The following F5 variants were observed in gnomAD, a reference collection of about 807,000 sequenced individuals.
The protein encoded by F5 is coagulation factor V, also known as activated protein c cofactor.
In F5, 138 loss-of-function variants were observed where a neutral mutation model predicts 216.4. That is an observed-to-expected ratio of 0.64 (90% CI 0.56 to 0.73). F5 has a LOEUF of 0.73. Among genes scored for constraint, F5 ranks in the 30% least tolerant of loss-of-function variants. The probability of loss-of-function intolerance (pLI) is 0.00; values close to 1 mark genes in which losing one functional copy is unlikely to be tolerated. For missense variants in F5, 2,403 were observed against 2,674.0 expected (o/e 0.90, Z 2.24); for synonymous variants, 916 against 930.7 (o/e 0.98, Z 0.29).
chr1:169,542,248 G>C lies in F5; in HGVS notation c.2842C>G (p.His948Asp), dbSNP rs1382627148. Residue 948 changes from histidine (H) to aspartate (D), a missense_variant, in exon 13 of 25, where the codon CAT becomes GAT. Transcript: ENST00000367797. Reference protein sequence around the residue: ...NSSKILVGRWHLASEKGSYEI... With the variant: ...NSSKILVGRWDLASEKGSYEI... ...TAGCTACCTTTCTCAGAAGCCAAAT[G>C]CCATCTCCCAACCAAAATCTTAGAT... is the stretch of plus-strand genomic sequence containing the variant. 1 of 1,614,036 alleles carries C rather than the reference G, an allele frequency of 6.2e-7. No individual in the cohort carries two copies.
intron 2 of F5, among the ~76,000 whole-genome samples, chr1:169,578,044 G>T (rs1416666066): frequency 6.6e-6 from 1 of 152,102 alleles, no homozygotes; most frequent in Non-Finnish European, 1.5e-5. Context: ...ATAGTTAATG[G>T]CAGTGTTCAA....
In F5 at chr1:169,536,599, G is replaced by A. The variant is rs1170522809; in HGVS notation, c.4878C>T (p.Ser1626=). 1.2e-6 allele frequency: 2 copies of A among 1,613,366 alleles called. No homozygotes were observed. Among genetic ancestry groups the A allele is most frequent in the South Asian group, 2.2e-5 (2 of 91,072 alleles). The change falls in exon 14 of 25, where the codon AGC becomes AGT. Residue 1626 remains serine (S), a synonymous_variant. Coordinates refer to ENST00000367797, the MANE Select transcript of F5 (RefSeq NM_000130.5). ...CTCGAGGATCACGTTTGGTAAAAGT[G>A]CTGTCGAGGTACTTTCGAAAAACTA... The part of the protein sequence containing the change: ...KKVVFRKYLD[S]TFTKRDPRGE...
At chr1:169,540,017 A>G (rs1659795490) in intron 13 of F5, among the ~76,000 whole-genome samples, 1 of 152,198 alleles carries the variant, frequency 6.6e-6, no homozygotes, top group African/African-American at 2.4e-5. Context: ...AAGAGTCAGT[A>G]GAAACATGGG....
At chr1:169,543,697 C>T (rs1659929896) in intron 12 of F5, among the ~76,000 whole-genome samples, 1 of 152,084 alleles carries the variant, frequency 6.6e-6, no homozygotes, top group Admixed American at 6.6e-5. Flanking sequence ...GGTGAGTCTC[C>T]AATAGTTACC....
In F5 at chr1:169,543,058, T is replaced by C. The variant is rs201292247; in HGVS notation, c.2032A>G (p.Lys678Glu). 7.1e-5 allele frequency: 115 copies of C among 1,614,060 alleles called. No homozygotes were observed. The East Asian group carries it at 2.1e-3, about 29-fold the overall frequency. ...SSPRSKKLRLKFRDVKCIPDD... is the reference protein window; with the variant it reads ...SSPRSKKLRLEFRDVKCIPDD... The stretch of plus-strand genomic sequence containing the variant: ...GGGATACATTTAACATCCCTGAATT[T>C]CAGCCTCAGCTTTTTGCTTCTTGGA... The change falls in exon 13 of 25, where the codon AAA (lysine) becomes GAA (glutamate). Residue 678 changes from lysine to glutamate, a missense_variant. This residue lies in a region of F5 where 1,425 missense variants were observed against 1,554.8 expected (regional missense o/e 0.92). Coordinates refer to ENST00000367797, the MANE Select transcript of F5 (RefSeq NM_000130.5).
chr1:169,521,602 G>A (rs969002033), intron 21 of F5, among the ~76,000 whole-genome samples: 8 of 147,160 alleles, frequency 5.4e-5, no homozygotes, highest in Admixed American at 4.9e-4. Context: ...AACAAGGCTG[G>A]TTCTGTGAAA....
intron 3 of F5, among the ~76,000 whole-genome samples, 171 bp from the exon 4 acceptor site, chr1:169,560,937 A>G (rs1312801206): frequency 1.3e-5 from 2 of 152,164 alleles, no homozygotes; most frequent in Non-Finnish European, 2.9e-5. Flanking sequence ...ATGCTCATGT[A>G]CTTACAAAGG....
intron 15 of F5, among the ~76,000 whole-genome samples, chr1:169,530,271 A>G (rs188780908): frequency 6.6e-6 from 1 of 152,338 alleles, no homozygotes; most frequent in East Asian, 1.9e-4. Context: ...AGGATTATGC[A>G]TTGACAGGGT....
intron 24 of F5, 47 bp downstream of exon 24, chr1:169,515,397 T>C: frequency 1.1e-5 from 18 of 1,600,862 alleles, no homozygotes; most frequent in Non-Finnish European, 1.5e-5. Context: ...ATTCTCATTA[T>C]AGCACAGTCT....
In F5 at chr1:169,523,914, A is replaced by G. The variant is rs1659369896; in HGVS notation, c.5789-10T>C. 5 of 1,601,222 alleles carry G rather than the reference A, an allele frequency of 3.1e-6. No individual in the cohort carries two copies. The highest frequency in any genetic ancestry group is 4.3e-6 in the Non-Finnish European group (5 of 1,168,896). ...CTGGGCTCCCAGTAACCTAAACTCA[A>G]GGGAAGAAAAAGATTTATTCTGAAT... On this transcript the variant is annotated splice_polypyrimidine_tract_variant and intron_variant, in intron 19 of 24. Coordinates refer to ENST00000367797, the MANE Select transcript of F5 (RefSeq NM_000130.5).
intron 7 of F5, among the ~76,000 whole-genome samples, 164 bp downstream of exon 7, chr1:169,555,018 T>A (rs1038843408): frequency 6.6e-6 from 1 of 152,210 alleles, no homozygotes; most frequent in Non-Finnish European, 1.5e-5. Flanking sequence ...ATTTCTTTGG[T>A]GATTTGGGGG....
At position 169,545,996 on chromosome 1, in the gene F5, G is replaced by C. The variant is rs548918598; in HGVS notation, c.1762+446C>G. ...TCATGCATGCCTTTCCAAGACTCTTGGGTCCCTATACTCATTTTGCTCTAC... is the reference window on the plus strand; with the variant it reads ...TCATGCATGCCTTTCCAAGACTCTTCGGTCCCTATACTCATTTTGCTCTAC... On this transcript the variant is annotated intron_variant, in intron 11 of 24. Transcript: ENST00000367797. 1.4e-4 allele frequency among the ~76,000 whole-genome samples: 22 copies of C among 152,162 alleles called. No individual in the cohort carries two copies. In the South Asian group the frequency reaches 3.9e-3, roughly 27 times the overall value.
intron 12 of F5, among the ~76,000 whole-genome samples, 178 bp from the exon 13 acceptor site, chr1:169,543,292 G>T (rs1047919346): frequency 4.6e-5 from 7 of 152,162 alleles, no homozygotes; most frequent in Non-Finnish European, 8.8e-5. Flanking sequence ...AACACAAGGA[G>T]AGAAAAATGA....
At chr1:169,571,596 G>A (rs1660723684) in intron 3 of F5, among the ~76,000 whole-genome samples, 1 of 152,126 alleles carries the variant, frequency 6.6e-6, no homozygotes, top group South Asian at 2.1e-4. Context: ...TATGTGCCAG[G>A]AAGCCTATAT....
chr1:169,527,035 A>G (rs940593924), intron 17 of F5, among the ~76,000 whole-genome samples: 4 of 152,112 alleles, frequency 2.6e-5, no homozygotes, highest in African/African-American at 9.6e-5. Flanking sequence ...AGGCAGATTC[A>G]CACAACGTCA....
chr1:169,542,793 G>T lies in F5; in HGVS notation c.2297C>A (p.Ser766Tyr). ...ACCAACAATTATATCTGTGTTTGAA[G>T]AAACGAATTCAGTGCCATTCTCCAG... ...LALENGTEFV[S>Y]SNTDIIVGSN... The change falls in exon 13 of 25, where the codon TCT becomes TAT. Residue 766 changes from serine to tyrosine, a missense_variant. By Grantham distance (144) the Ser-to-Tyr change is moderately radical. Coordinates refer to ENST00000367797, the MANE Select transcript of F5 (RefSeq NM_000130.5). 1 of 1,614,134 alleles carries T rather than the reference G, an allele frequency of 6.2e-7. No individual in the cohort carries two copies. Among genetic ancestry groups the T allele is most frequent in the Non-Finnish European group, 8.5e-7 (1 of 1,180,000 alleles).
intron 3 of F5, among the ~76,000 whole-genome samples, chr1:169,563,175 C>T (rs763418692): frequency 7.9e-5 from 12 of 152,160 alleles, no homozygotes; most frequent in South Asian, 2.1e-4. Context: ...TAGTTTCTAA[C>T]GATAAGTCTG....
chr1:169,519,779 G>T (rs544905209), intron 22 of F5, among the ~76,000 whole-genome samples: 1 of 152,280 alleles, frequency 6.6e-6, no homozygotes, highest in African/African-American at 2.4e-5. Flanking sequence ...CCAAGCCTTA[G>T]ATTTATTGCT....
intron 10 of F5, among the ~76,000 whole-genome samples, chr1:169,548,858 G>A (rs1439030850): frequency 7.0e-6 from 1 of 142,238 alleles, no homozygotes; most frequent in Non-Finnish European, 1.5e-5. Flanking sequence ...GACAGAGTGA[G>A]ACTCTGTCTC....
Sources: gnomAD v4.1 joint callset for allele counts (sites outside exome capture counted in the v4.1 genomes callset) on GRCh38, gnomAD v4.1.1 for gene constraint, gnomAD v4.1.1 regional missense constraint, MANE v1.5 for transcripts, NCBI Gene and HGNC (gene_info 2026-07-23, HGNC 2026-07-21) for gene names.